PLPPR3: variants seen among roughly 807,000 people sequenced by gnomAD.
PLPPR3 encodes phospholipid phosphatase-related protein type 3.
Under a neutral mutation model 27.3 loss-of-function variants are expected in PLPPR3, and 14 were observed. The ratio of observed to expected loss-of-function variants is 0.51; its 90% CI spans 0.34 to 0.80. The LOEUF (loss-of-function observed/expected upper bound fraction) is 0.80, where lower values mean the gene tolerates loss of function less well. PLPPR3 is among the 30% of genes least tolerant of loss of function. PLPPR3 has a pLI of 0.01. For synonymous variants in PLPPR3, 671 were observed against 508.0 expected (o/e 1.32, Z -4.32); for missense variants, 1,287 against 1,056.9 (o/e 1.22, Z -3.02).
intron 2 of PLPPR3, among the ~76,000 whole-genome samples, chr19:818,574 C>T (rs2145079159): frequency 6.6e-6 from 1 of 151,978 alleles, no homozygotes; most frequent in African/African-American, 2.4e-5. Flanking sequence ...CGCTCTGTCG[C>T]CCAGGCTGGA....
intron 3 of PLPPR3, 51 bp from the exon 4 acceptor site, chr19:815,378 G>A (rs991414028): frequency 2.8e-5 from 41 of 1,487,330 alleles, no homozygotes; most frequent in African/African-American, 8.3e-5. Flanking sequence ...GGGAGGGGGC[G>A]CTCAGGCGGG....
chr19:814,031 C>T (rs1333120410), intron 7 of PLPPR3, 136 bp from the exon 8 acceptor site: 1 of 831,164 alleles, frequency 1.2e-6, no homozygotes, highest in Non-Finnish European at 1.8e-6. Flanking sequence ...CCGGTTCCCA[C>T]CCCAAGGTTG....
At position 813,008 on chromosome 19, in the gene PLPPR3, C is replaced by G; in HGVS notation, c.1719G>C (p.Ser573=). 1 of 1,516,328 alleles carries G rather than the reference C, an allele frequency of 6.6e-7. No individual in the cohort carries two copies. The highest frequency in any genetic ancestry group is 8.8e-7 in the Non-Finnish European group (1 of 1,139,768). The allele number at this position is 1,516,328 out of a possible 1,614,324, so 93.9% of individuals were successfully genotyped here. A position where few individuals can be genotyped will look rare whatever the true frequency, so the allele number is the denominator to read the frequency against. Reference sequence around the variant, plus strand: ...TCACGATGCTGGCGGAGTCGCGGTCCGACGGCGACCGGTACTGCGAGGAGT... The same window carrying G: ...TCACGATGCTGGCGGAGTCGCGGTCGGACGGCGACCGGTACTGCGAGGAGT... ...SSDSSQYRSP[S]DRDSASIVTI... Residue 573 remains serine, a synonymous_variant, in exon 8 of 8, where the codon TCG becomes TCC. Coordinates refer to ENST00000520876, the MANE Select transcript of PLPPR3 (RefSeq NM_001270366.2). The surrounding 1 kb of genome is among the most constrained non-coding windows in gnomAD (Gnocchi z 4.1).
chr19:815,584 G>A (rs940627982), intron 3 of PLPPR3, 82 bp downstream of exon 3: 1 of 1,390,084 alleles, frequency 7.2e-7, no homozygotes, highest in Non-Finnish European at 9.7e-7. Context: ...AGGCCCCAGT[G>A]TGGATGTTCA....
At chr19:817,553 C>T (rs1303472039) in intron 2 of PLPPR3, among the ~76,000 whole-genome samples, 1 of 152,228 alleles carries the variant, frequency 6.6e-6, no homozygotes, top group East Asian at 1.9e-4. Flanking sequence ...GGATTACAGG[C>T]ATGAGTGACC....
rs771351335 is a variant in PLPPR3, at chr19:812,909, C to A, written c.1818G>T (p.Ala606=). 7.7e-6 allele frequency: 10 copies of A among 1,301,102 alleles called. No individual in the cohort carries two copies. In the South Asian group the frequency reaches 1.4e-4, roughly 19 times the overall value. The allele number at this position is 1,301,102 out of a possible 1,614,324, so 80.6% of individuals were successfully genotyped here. Residue 606 remains alanine, a synonymous_variant, in exon 8 of 8, where the codon GCG becomes GCT. Transcript: ENST00000520876. Reference sequence around the variant, plus strand: ...CCTCCGCCTTGGCCCCGCCGCCCGCCGCCTTCCACTCCCAGGGCGCGCCGC... The same window carrying A: ...CCTCCGCCTTGGCCCCGCCGCCCGCAGCCTTCCACTCCCAGGGCGCGCCGC... ...SAGGAPWEWK[A]AGGGAKAEAD... is the part of the protein sequence containing the mutation.
At chr19:818,700 A>AT (rs1203699937) in intron 2 of PLPPR3, among the ~76,000 whole-genome samples, 1 of 151,286 alleles carries the variant, frequency 6.6e-6, no homozygotes, top group African/African-American at 2.4e-5. Context: ...CGCCCGGCTA[A>AT]TTTTTTGTAT....
Position 813,289 on chromosome 19 carries a change from G to A in PLPPR3, c.1438C>T (p.Pro480Ser), listed in dbSNP as rs761587236. 5 of 1,466,142 alleles carry A rather than the reference G, an allele frequency of 3.4e-6. No homozygotes were observed. Among genetic ancestry groups the A allele is most frequent in the East Asian group, 2.7e-5 (1 of 36,366 alleles). The allele number at this position is 1,466,142 out of a possible 1,614,324, so 90.8% of individuals were successfully genotyped here. A position where few individuals can be genotyped will look rare whatever the true frequency, so the allele number is the denominator to read the frequency against. Residue 480 changes from proline (P) to serine (S), a missense_variant, in exon 8 of 8, where the codon CCT becomes TCT. Physicochemically the swap from Pro to Ser is moderately conservative, Grantham distance 74. Transcript: ENST00000520876. The surrounding 1 kb of genome is among the most constrained non-coding windows in gnomAD (Gnocchi z 4.1). ...PTVQARPGLG[P>S]RVILPPRAGP... Reference sequence around the variant, plus strand: ...GCGCGCGGTGGGAGGATGACCCGAGGCCCCAGCCCCGGCCGCGCCTGCACG... The same window carrying A: ...GCGCGCGGTGGGAGGATGACCCGAGACCCCAGCCCCGGCCGCGCCTGCACG...
chr19:812,619 T>C lies in PLPPR3; in HGVS notation c.2108A>G (p.Glu703Gly). ...CATCTTGCGGAAGTAGCCCTCGGCC[T>C]CCGCCTCCGCCTCGCGCTCCGCCAG... ...LGLAEREAEA[E>G]AEGYFRKMQA... The change falls in exon 8 of 8, where the codon GAG becomes GGG. Residue 703 changes from glutamate to glycine, a missense_variant. By Grantham distance (98) the Glu-to-Gly change is moderately conservative (BLOSUM62 -2). Transcript: ENST00000520876. The C allele has an allele frequency of 9.1e-7, 1 of 1,103,558 alleles. No homozygotes were observed. Among genetic ancestry groups the C allele is most frequent in the South Asian group, 2.1e-5 (1 of 48,200 alleles). The allele number at this position is 1,103,558 out of a possible 1,614,324, so 68.4% of individuals were successfully genotyped here. A position where few individuals can be genotyped will look rare whatever the true frequency, so the allele number is the denominator to read the frequency against.
intron 2 of PLPPR3, among the ~76,000 whole-genome samples, chr19:817,429 C>T (rs2035079175): frequency 6.6e-6 from 1 of 152,264 alleles, no homozygotes; most frequent in Admixed American, 6.5e-5. Flanking sequence ...TGCACTACCA[C>T]ACCTGGCTAA....
rs762659860 is a variant in PLPPR3, at chr19:814,597, T to C, written c.668A>G (p.Asn223Ser). The C allele has an allele frequency of 3.1e-6, 5 of 1,611,790 alleles. No individual in the cohort carries two copies. Among genetic ancestry groups the C allele is most frequent in the Middle Eastern group, 1.6e-4 (1 of 6,062 alleles). The change falls in exon 7 of 8, where the codon AAC becomes AGC. Residue 223 changes from asparagine to serine, a missense_variant. Asn to Ser is a conservative substitution (Grantham distance 46). Coordinates refer to ENST00000520876, the MANE Select transcript of PLPPR3 (RefSeq NM_001270366.2). Reference protein sequence around the residue: ...FAAVYVSMYFNSVISDTTKLL... With the variant: ...FAAVYVSMYFSSVISDTTKLL... Reference sequence around the variant, plus strand: ...CTTGGTGGTGTCCGAGATGACCGAGTTGAAGTACATCTGGGGCATGGGGGT... The same window carrying C: ...CTTGGTGGTGTCCGAGATGACCGAGCTGAAGTACATCTGGGGCATGGGGGT...
chr19:823,446 A>AAAACAAAAC (rs1555703852), upstream of PLPPR3, among the ~76,000 whole-genome samples: 231 of 84,284 alleles, frequency 2.7e-3, 1 homozygote, highest in African/African-American at 0.019. Context: ...TATCTCAAAA[A>AAAACAAAAC]AAAAAAAAAA....
In PLPPR3 at chr19:813,187, C is replaced by T. The variant is rs747219493; in HGVS notation, c.1540G>A (p.Gly514Arg). ...GAGLSPKSGAGVRAKWLMMAE... is the reference protein window; with the variant it reads ...GAGLSPKSGARVRAKWLMMAE... ...ATCATGAGCCACTTGGCGCGCACCC[C>T]GGCGCCGCTTTTGGGGGACAGGCCG... The change falls in exon 8 of 8, where the codon GGG becomes AGG. Residue 514 changes from glycine (G) to arginine (R), a missense_variant. Gly to Arg is a moderately radical substitution (Grantham distance 125). Transcript: ENST00000520876. This position sits in a 1 kb window ranked among gnomAD's most constrained non-coding sequence, Gnocchi z 4.1. 1.4e-5 allele frequency: 21 copies of T among 1,511,036 alleles called. No individual in the cohort carries two copies. Among genetic ancestry groups the T allele is most frequent in the East Asian group, 8.0e-5 (3 of 37,280 alleles). The allele number at this position is 1,511,036 out of a possible 1,614,324, so 93.6% of individuals were successfully genotyped here.
chr19:813,253 G>A lies in PLPPR3; in HGVS notation c.1474C>T (p.Pro492Ser). The A allele has an allele frequency of 6.8e-7, 1 of 1,475,702 alleles. No homozygotes were observed. The highest frequency in any genetic ancestry group is 8.9e-7 in the Non-Finnish European group (1 of 1,123,338). The allele number at this position is 1,475,702 out of a possible 1,614,324, so 91.4% of individuals were successfully genotyped here. A position where few individuals can be genotyped will look rare whatever the true frequency, so the allele number is the denominator to read the frequency against. ...CCCTCCTCCGGGATGTGCACCAGCGGCGGCGGCCCCGCGCGCGGTGGGAGG... is the reference window on the plus strand; with the variant it reads ...CCCTCCTCCGGGATGTGCACCAGCGACGGCGGCCCCGCGCGCGGTGGGAGG... ...VILPPRAGPP[P>S]LVHIPEEGAQ... Residue 492 changes from proline (P) to serine (S), a missense_variant, in exon 8 of 8, where the codon CCG (proline) becomes TCG (serine). Transcript: ENST00000520876. The surrounding 1 kb of genome is among the most constrained non-coding windows in gnomAD (Gnocchi z 4.1).
chr19:823,051 G>A (rs949536572), upstream of PLPPR3, among the ~76,000 whole-genome samples: 53 of 152,004 alleles, frequency 3.5e-4, no homozygotes, highest in African/African-American at 1.2e-3. Context: ...CCTGGGAAGC[G>A]GAGGTTGCAG....
intron 2 of PLPPR3, among the ~76,000 whole-genome samples, chr19:821,279 C>T (rs1217888925): frequency 6.6e-6 from 1 of 150,836 alleles, no homozygotes; most frequent in African/African-American, 2.4e-5. Flanking sequence ...CGGCCTGGAC[C>T]CCCCTCGGTT....
chr19:817,712 T>C (rs770774529), intron 2 of PLPPR3, among the ~76,000 whole-genome samples: 2 of 152,040 alleles, frequency 1.3e-5, no homozygotes, highest in African/African-American at 2.4e-5. Context: ...CAGGGCAGAA[T>C]TGGATCGAGG....
rs1344377647 is a variant in PLPPR3 at position 813,752 on chromosome 19, C to G, written c.975G>C (p.Glu325Asp). Reference sequence around the variant, plus strand: ...CCTCCAGCCGCCCTGGGGGCCCCAGCTCGTCGGTGCTCACCGACTTATTCT... The same window carrying G: ...CCTCCAGCCGCCCTGGGGGCCCCAGGTCGTCGGTGCTCACCGACTTATTCT... ...YQQNKSVSTD[E>D]LGPPGRLEGA... is the part of the protein sequence containing the mutation. The change falls in exon 8 of 8, where the codon GAG becomes GAC. Residue 325 changes from glutamate (E) to aspartate (D), a missense_variant. Transcript: ENST00000520876. The surrounding 1 kb of genome is among the most constrained non-coding windows in gnomAD (Gnocchi z 4.1). The G allele has an allele frequency of 6.6e-7, 1 of 1,526,614 alleles. No individual in the cohort carries two copies. The highest frequency in any genetic ancestry group is 2.0e-5 in the Admixed American group (1 of 49,438). The allele number at this position is 1,526,614 out of a possible 1,614,324, so 94.6% of individuals were successfully genotyped here.
upstream of PLPPR3, among the ~76,000 whole-genome samples, chr19:822,192 G>T (rs1285088692): frequency 6.6e-6 from 1 of 151,880 alleles, no homozygotes; most frequent in East Asian, 1.9e-4. Context: ...GGGGCTCGGG[G>T]GTCGCGTCCT....
Sources: allele counts gnomAD v4.1 joint callset (sites outside exome capture counted in the v4.1 genomes callset), GRCh38; gene constraint gnomAD v4.1.1; non-coding constraint Gnocchi (gnomAD v3.1); transcripts MANE v1.5; gene names NCBI Gene and HGNC (gene_info 2026-07-23, HGNC 2026-07-21).